MDGA2: variants seen among roughly 807,000 people sequenced by gnomAD.
MDGA2 encodes the protein MAM domain-containing glycosylphosphatidylinositol anchor protein 2.
In MDGA2, 40 loss-of-function variants were observed where a neutral mutation model predicts 117.8. That is an observed-to-expected ratio of 0.34 (90% CI 0.26 to 0.44). The LOEUF is 0.44. Among genes scored for constraint, MDGA2 ranks in the 20% least tolerant of loss-of-function variants. The probability of loss-of-function intolerance (pLI) is 1.00; values close to 1 mark genes in which losing one functional copy is unlikely to be tolerated. For synonymous variants in MDGA2, 452 were observed against 439.0 expected, an observed-to-expected ratio of 1.03 and a Z score of -0.37; for missense variants, 1,123 against 1,250.6, an observed-to-expected ratio of 0.90 and a Z score of 1.54.
At chr14:47,321,956 A>G (rs1889992683) in intron 1 of MDGA2, among the ~76,000 whole-genome samples, 1 of 152,230 alleles carries the variant, frequency 6.6e-6, no homozygotes, top group African/African-American at 2.4e-5. Flanking sequence ...TTACAACTGT[A>G]TAAAACATTC....
intron 1 of MDGA2, among the ~76,000 whole-genome samples, chr14:47,519,038 T>C (rs1318489598): frequency 6.6e-6 from 1 of 151,968 alleles, no homozygotes; most frequent in African/African-American, 2.4e-5. Flanking sequence ...ACCCCGTCTC[T>C]ACTAAAAATA....
chr14:47,110,143 A>G (rs2139050887), intron 5 of MDGA2, among the ~76,000 whole-genome samples: 1 of 147,158 alleles, frequency 6.8e-6, no homozygotes, highest in South Asian at 2.1e-4. Context: ...GCATTTATCT[A>G]TCAAAATGTA....
chr14:46,853,924 G>A (rs1197206442), intron 15 of MDGA2, among the ~76,000 whole-genome samples: 1 of 151,638 alleles, frequency 6.6e-6, no homozygotes, highest in Non-Finnish European at 1.5e-5. Flanking sequence ...TTTCACAATT[G>A]TATTGATCTT....
At chr14:47,203,097 A>G (rs1406391124) in intron 3 of MDGA2, among the ~76,000 whole-genome samples, 12 of 152,044 alleles carry the variant, frequency 7.9e-5, no homozygotes, top group Non-Finnish European at 1.8e-4. Context: ...TACAGATCCT[A>G]TCACGAACAC....
chr14:47,574,223 A>G (rs955922744), intron 1 of MDGA2, among the ~76,000 whole-genome samples: 1 of 152,156 alleles, frequency 6.6e-6, no homozygotes, highest in Non-Finnish European at 1.5e-5. Context: ...AAGATCAGCA[A>G]CTGTGGCCCT....
At chr14:47,069,715 T>C (rs549274756) in intron 6 of MDGA2, among the ~76,000 whole-genome samples, 2 of 152,234 alleles carry the variant, frequency 1.3e-5, no homozygotes, top group East Asian at 3.9e-4. Flanking sequence ...AGTTGTCTGT[T>C]TGTTTTGTTT....
chr14:46,842,987 G>A (rs1479649601), intron 16 of MDGA2, among the ~76,000 whole-genome samples: 2 of 152,116 alleles, frequency 1.3e-5, no homozygotes, highest in Admixed American at 6.5e-5. Flanking sequence ...AAATGTAACA[G>A]AAAACTTTCT....
intron 1 of MDGA2, among the ~76,000 whole-genome samples, chr14:47,497,598 C>A (rs6572431): frequency 0.74 from 112,693 of 152,004 alleles, 42,270 homozygotes; most frequent in East Asian, 1. Context: ...TTAATAGACT[C>A]GTTAAACATT....
intron 9 of MDGA2, among the ~76,000 whole-genome samples, chr14:46,938,767 A>T (rs1429846949): frequency 6.6e-6 from 1 of 152,106 alleles, no homozygotes; most frequent in African/African-American, 2.4e-5. Context: ...ACTGATATTT[A>T]TCCAAAGGGA....
At chr14:47,387,701 TA>T (rs1891793266) in intron 1 of MDGA2, among the ~76,000 whole-genome samples, 4 of 152,220 alleles carry the variant, frequency 2.6e-5, no homozygotes, top group Non-Finnish European at 5.9e-5. Context: ...ATTTTTAACA[TA>T]TTTATACTTT....
chr14:46,909,941 A>G (rs1329257805), intron 10 of MDGA2, among the ~76,000 whole-genome samples: 1 of 152,142 alleles, frequency 6.6e-6, no homozygotes, highest in East Asian at 1.9e-4. Context: ...AGATATTTTT[A>G]TATTTTAACT....
intron 15 of MDGA2, among the ~76,000 whole-genome samples, chr14:46,854,585 A>G (rs1881189112): frequency 6.6e-6 from 1 of 151,782 alleles, no homozygotes; most frequent in African/African-American, 2.4e-5. Context: ...ATAATCACTG[A>G]TCAATTACTG....
chr14:47,175,479 G>T (rs1012180702), intron 3 of MDGA2, among the ~76,000 whole-genome samples: 2 of 149,602 alleles, frequency 1.3e-5, no homozygotes, highest in African/African-American at 2.5e-5. Context: ...TCCCTGGGAT[G>T]CAAGGCTGGT....
chr14:47,025,696 C>T (rs1382438327), intron 8 of MDGA2, among the ~76,000 whole-genome samples: 2 of 145,210 alleles, frequency 1.4e-5, no homozygotes, highest in African/African-American at 2.5e-5. Context: ...AAGCTAGAGC[C>T]TCCTTCTCCA....
rs759460145 is a variant in MDGA2 at position 47,097,122 on chromosome 14, T to C, written c.927A>G (p.Ala309=). Residue 309 remains alanine, a splice_region_variant and synonymous_variant, in exon 6 of 17, where the codon GCA becomes GCG. Transcript: ENST00000399232. ...MVSFRLSNKT[A]SPSIKLLVDD... ...CCACCAAGAGTTTAATTGACGGTGA[T>C]GCTAAAAGACATAAACAGAAGAACG... 3 of 1,611,228 alleles carry C rather than the reference T, an allele frequency of 1.9e-6. No homozygotes were observed. The highest frequency in any genetic ancestry group is 2.2e-5 in the East Asian group (1 of 44,840).
At chr14:47,291,763 T>C (rs1006970124) in intron 2 of MDGA2, among the ~76,000 whole-genome samples, 2 of 152,182 alleles carry the variant, frequency 1.3e-5, no homozygotes, top group Non-Finnish European at 2.9e-5. Context: ...CAAAGTAAGA[T>C]TTCTGCTGAA....
chr14:46,857,897 C>T (rs1881336465), intron 14 of MDGA2, among the ~76,000 whole-genome samples: 1 of 152,036 alleles, frequency 6.6e-6, no homozygotes, highest in Admixed American at 6.5e-5. Context: ...AAGCAATCCT[C>T]CTGCCTTGGC....
At chr14:47,538,897 T>A (rs1255358870) in intron 1 of MDGA2, among the ~76,000 whole-genome samples, 1 of 152,114 alleles carries the variant, frequency 6.6e-6, no homozygotes, top group Non-Finnish European at 1.5e-5. Flanking sequence ...TCATTATATA[T>A]CTCAGGGGTA....
rs545587252 is a variant in MDGA2 at position 47,356,715 on chromosome 14, C to T, written c.281-55165G>A. Reference sequence around the variant, plus strand: ...GTAGACCTCATTTATTTAAATTGTTCAGAAAAAAGAGAAAAGCACCAAATG... The same window carrying T: ...GTAGACCTCATTTATTTAAATTGTTTAGAAAAAAGAGAAAAGCACCAAATG... On this transcript the variant is annotated intron_variant, in intron 1 of 16. Coordinates refer to ENST00000399232, the MANE Select transcript of MDGA2 (RefSeq NM_001113498.3). 2.1e-3 allele frequency among the ~76,000 whole-genome samples: 314 copies of T among 152,138 alleles called. 2 individuals carry two copies. The highest frequency in any genetic ancestry group is 7.4e-3 in the African/African-American group (306 of 41,492).
Sources: allele counts gnomAD v4.1 joint callset (sites outside exome capture counted in the v4.1 genomes callset), GRCh38; gene constraint gnomAD v4.1.1; transcripts MANE v1.5; gene names NCBI Gene and HGNC (gene_info 2026-07-23, HGNC 2026-07-21).